PDZD8: variants seen among roughly 807,000 people sequenced by gnomAD.
PDZD8 encodes the protein PDZ domain-containing protein 8.
A neutral mutation model predicts 85.8 loss-of-function variants in PDZD8; 14 were observed. The ratio of observed to expected loss-of-function variants is 0.16; its 90% confidence interval spans 0.11 to 0.26. The LOEUF (loss-of-function observed/expected upper bound fraction) is 0.26, where lower values mean the gene tolerates loss of function less well. PDZD8 is among the 10% of genes least tolerant of loss of function. The probability of loss-of-function intolerance (pLI) is 1.00; values close to 1 mark genes in which losing one functional copy is unlikely to be tolerated. For synonymous variants in PDZD8, 592 were observed against 568.6 expected (o/e 1.04, Z -0.59); for missense variants, 1,197 against 1,424.3 (o/e 0.84, Z 2.57).
rs535339175 is a variant in PDZD8, at chr10:117,334,599, G to C, written c.995+6381C>G. ...CAATGCAGCCATTATATATATATATGGCTCAAAAAACTGACAGAACATTTG... is the reference window on the plus strand; with the variant it reads ...CAATGCAGCCATTATATATATATATCGCTCAAAAAACTGACAGAACATTTG... On this transcript the variant is annotated intron_variant, in intron 2 of 4. Coordinates refer to ENST00000334464, the MANE Select transcript of PDZD8 (RefSeq NM_173791.5). Among the ~76,000 whole-genome samples the C allele has an allele frequency of 2.0e-5, 3 of 151,524 alleles. No homozygotes were observed. In the South Asian group the frequency reaches 6.3e-4, roughly 32 times the overall value.
chr10:117,322,532 G>C (rs1317397811), intron 2 of PDZD8, among the ~76,000 whole-genome samples: 1 of 152,136 alleles, frequency 6.6e-6, no homozygotes, highest in Admixed American at 6.6e-5. Context: ...AAAAGTAACC[G>C]ACAGTGGTTG....
intron 3 of PDZD8, among the ~76,000 whole-genome samples, chr10:117,312,362 C>T (rs907952907): frequency 1.3e-5 from 2 of 152,132 alleles, no homozygotes; most frequent in Admixed American, 6.5e-5. Context: ...TGTCATCCTA[C>T]AATACGCAAT....
At chr10:117,355,650 C>T (rs925701655) in intron 1 of PDZD8, among the ~76,000 whole-genome samples, 2 of 152,112 alleles carry the variant, frequency 1.3e-5, no homozygotes, top group African/African-American at 2.4e-5. Context: ...ATTACACCTA[C>T]CTCACAGTGC....
intron 3 of PDZD8, among the ~76,000 whole-genome samples, 161 bp from the exon 4 acceptor site, chr10:117,290,509 A>T (rs1390933657): frequency 1.3e-5 from 2 of 152,206 alleles, no homozygotes; most frequent in Non-Finnish European, 2.9e-5. Flanking sequence ...GTAACAATAT[A>T]AATTAACTAT....
chr10:117,356,310 AAAAT>A (rs1844893888), intron 1 of PDZD8, among the ~76,000 whole-genome samples: 1 of 152,192 alleles, frequency 6.6e-6, no homozygotes, highest in African/African-American at 2.4e-5. Flanking sequence ...TAAAAAAAGA[AAAAT>A]AAGAAAAATT....
At chr10:117,369,718 C>A (rs556619111) in intron 1 of PDZD8, among the ~76,000 whole-genome samples, 130 of 152,170 alleles carry the variant, frequency 8.5e-4, no homozygotes, top group Non-Finnish European at 1.6e-3. Context: ...GCTTACACAC[C>A]GAGTTTCAAC....
rs1589996182 is a variant in PDZD8 at position 117,290,347 on chromosome 10, A to G, written c.1100T>C (p.Val367Ala). ...EEKQRSSIKT[V>A]ELIKGNLQSV... Reference sequence around the variant, plus strand: ...TTGTAAATTTCCTTTTATTAATTCAACCTTTGATAAAGGGGAAAAAAATGA... The same window carrying G: ...TTGTAAATTTCCTTTTATTAATTCAGCCTTTGATAAAGGGGAAAAAAATGA... Residue 367 changes from valine (V) to alanine (A), a missense_variant and splice_region_variant, in exon 4 of 5, where the codon GTT (valine) becomes GCT (alanine). Val to Ala is a moderately conservative substitution (Grantham distance 64). This residue lies in a region of PDZD8 where 344 missense variants were observed against 453.6 expected (regional missense o/e 0.76). Coordinates refer to ENST00000334464, the MANE Select transcript of PDZD8 (RefSeq NM_173791.5). 1.3e-6 allele frequency: 2 copies of G among 1,593,258 alleles called. No individual in the cohort carries two copies. Among genetic ancestry groups the G allele is most frequent in the Non-Finnish European group, 1.7e-6 (2 of 1,169,382 alleles).
At chr10:117,318,339 T>C (rs1048609994) in intron 3 of PDZD8, among the ~76,000 whole-genome samples, 1 of 152,102 alleles carries the variant, frequency 6.6e-6, no homozygotes, top group African/African-American at 2.4e-5. Context: ...CTTTGTTCAC[T>C]TTTTTTGTTT....
chr10:117,341,657 AGTT>A (rs1274836122), intron 1 of PDZD8, among the ~76,000 whole-genome samples: 2 of 152,228 alleles, frequency 1.3e-5, no homozygotes, highest in Admixed American at 6.5e-5. Flanking sequence ...CTATGTAAAT[AGTT>A]GTTAAGACTA....
chr10:117,310,073 A>G (rs2133795332), intron 3 of PDZD8, among the ~76,000 whole-genome samples: 1 of 152,248 alleles, frequency 6.6e-6, no homozygotes, highest in East Asian at 1.9e-4. Flanking sequence ...CTTGTTTTGC[A>G]TAACTTCCTA....
chr10:117,295,799 T>C (rs1156902519), intron 3 of PDZD8, among the ~76,000 whole-genome samples: 4 of 152,168 alleles, frequency 2.6e-5, no homozygotes, highest in Non-Finnish European at 2.9e-5. Flanking sequence ...TATTCATTAA[T>C]GGTAAAAGCC....
rs549009621 is a variant in PDZD8, at chr10:117,295,170, C to A, written c.1099-4822G>T. Reference sequence around the variant, plus strand: ...CAAAAACAAAAAAAACCCACCACCACCAACAAAACCCAAAAAAGACTGAAA... The same window carrying A: ...CAAAAACAAAAAAAACCCACCACCAACAACAAAACCCAAAAAAGACTGAAA... On this transcript the variant is annotated intron_variant, in intron 3 of 4. Coordinates refer to ENST00000334464, the MANE Select transcript of PDZD8 (RefSeq NM_173791.5). 1.3e-4 allele frequency among the ~76,000 whole-genome samples: 20 copies of A among 152,038 alleles called. No individual in the cohort carries two copies. In the Middle Eastern group the frequency reaches 0.014, roughly 103 times the overall value.
At chr10:117,327,640 C>T (rs997494700) in intron 2 of PDZD8, among the ~76,000 whole-genome samples, 2 of 152,176 alleles carry the variant, frequency 1.3e-5, no homozygotes, top group African/African-American at 4.8e-5. Flanking sequence ...AGAGGCTGTC[C>T]TGATTCATGA....
chr10:117,346,713 T>C (rs969545234), intron 1 of PDZD8, among the ~76,000 whole-genome samples: 1 of 151,966 alleles, frequency 6.6e-6, no homozygotes, highest in Non-Finnish European at 1.5e-5. Context: ...TCCTCCCCTC[T>C]TTTCCTTGTC....
Position 117,374,817 on chromosome 10 carries a change from C to T in PDZD8, c.411G>A (p.Gly137=). The change falls in exon 1 of 5, where the codon GGG becomes GGA. Residue 137 remains glycine (G), a synonymous_variant. Coordinates refer to ENST00000334464, the MANE Select transcript of PDZD8 (RefSeq NM_173791.5). The surrounding 1 kb of genome is among the most constrained non-coding windows in gnomAD (Gnocchi z 7.8). ...GCAGGCTCAGCCCCTCCAGCAGGCGCCCGGCCGTCTTGGTCTGCAGCAGCT... is the reference window on the plus strand; with the variant it reads ...GCAGGCTCAGCCCCTCCAGCAGGCGTCCGGCCGTCTTGGTCTGCAGCAGCT... ...FEELLQTKTA[G]RLLEGLSLRD... is the part of the protein sequence containing the mutation. The T allele has an allele frequency of 6.2e-7, 1 of 1,613,416 alleles. No individual in the cohort carries two copies. The highest frequency in any genetic ancestry group is 8.5e-7 in the Non-Finnish European group (1 of 1,179,912).
At chr10:117,304,807 T>G (rs1195174851) in intron 3 of PDZD8, among the ~76,000 whole-genome samples, 2 of 152,184 alleles carry the variant, frequency 1.3e-5, no homozygotes, top group Non-Finnish European at 2.9e-5. Context: ...TTGAGATGAT[T>G]CTGAGGCCTC....
In PDZD8 at chr10:117,285,149, T is replaced by A; in HGVS notation, c.1584A>T (p.Thr528=). The change falls in exon 5 of 5, where the codon ACA becomes ACT. Residue 528 remains threonine, a synonymous_variant. Transcript: ENST00000334464. ...LSHSPKRVPT[T]LSIKPLGAIS... is the part of the protein sequence containing the mutation. Reference sequence around the variant, plus strand: ...TAGCTCCAAGGGGTTTAATAGAAAGTGTTGTTGGAACACGTTTGGGACTAT... The same window carrying A: ...TAGCTCCAAGGGGTTTAATAGAAAGAGTTGTTGGAACACGTTTGGGACTAT... 6.2e-7 allele frequency: 1 copy of A among 1,614,140 alleles called. No homozygotes were observed. The highest frequency in any genetic ancestry group is 8.5e-7 in the Non-Finnish European group (1 of 1,179,980).
At chr10:117,341,235 C>T in intron 1 of PDZD8, 133 bp from the exon 2 acceptor site, 2 of 902,858 alleles carry the variant, frequency 2.2e-6, no homozygotes, top group Non-Finnish European at 3.2e-6. Context: ...AAAACCAAAG[C>T]TTACCACACT....
chr10:117,307,288 C>T (rs1843959936), intron 3 of PDZD8, among the ~76,000 whole-genome samples: 2 of 151,904 alleles, frequency 1.3e-5, no homozygotes, highest in African/African-American at 4.8e-5. Context: ...AATTTCTAAA[C>T]ATATATAACT....
Sources: gnomAD v4.1 joint callset for allele counts (sites outside exome capture counted in the v4.1 genomes callset) on GRCh38, gnomAD v4.1.1 for gene constraint, gnomAD v4.1.1 regional missense constraint, Gnocchi (gnomAD v3.1) non-coding constraint, MANE v1.5 for transcripts, NCBI Gene and HGNC (gene_info 2026-07-23, HGNC 2026-07-21) for gene names.